DPYD: variants seen among roughly 807,000 people sequenced by gnomAD.
The protein encoded by DPYD is dihydropyrimidine dehydrogenase.
DPYD carries 109 observed loss-of-function variants against 116.2 expected under a neutral mutation model. That is an observed-to-expected ratio of 0.94 (90% CI 0.80 to 1.10). DPYD has a LOEUF of 1.10. Among genes scored for constraint, DPYD ranks in the 50% least tolerant of loss-of-function variants. The pLI is 0.00. For missense variants in DPYD, 1,302 were observed against 1,254.5 expected, an observed-to-expected ratio of 1.04 and a Z score of -0.57; for synonymous variants, 440 against 432.0, an observed-to-expected ratio of 1.02 and a Z score of -0.23.
chr1:97,426,893 T>A (rs1018374020), intron 14 of DPYD, among the ~76,000 whole-genome samples: 5 of 152,102 alleles, frequency 3.3e-5, no homozygotes, highest in African/African-American at 1.2e-4. Flanking sequence ...CCTTAAGCAA[T>A]GATGCATGAT....
At chr1:97,084,042 C>T (rs146278945) in intron 21 of DPYD, among the ~76,000 whole-genome samples, 2 of 152,008 alleles carry the variant, frequency 1.3e-5, no homozygotes, top group African/African-American at 2.4e-5. Context: ...TTCTTCCTTT[C>T]CCACTCTACC....
intron 3 of DPYD, among the ~76,000 whole-genome samples, chr1:97,799,894 T>C (rs1667765726): frequency 6.6e-6 from 1 of 151,926 alleles, no homozygotes; most frequent in African/African-American, 2.4e-5. Context: ...CTGAATTTTC[T>C]AATTCAATCA....
intron 4 of DPYD, among the ~76,000 whole-genome samples, chr1:97,728,845 C>A (rs1200101538): frequency 6.6e-6 from 1 of 152,014 alleles, no homozygotes; most frequent in African/African-American, 2.4e-5. Flanking sequence ...GTCACCATCC[C>A]TCAATGAACA....
chr1:97,592,961 C>T (rs1654622978), intron 10 of DPYD, among the ~76,000 whole-genome samples: 1 of 152,150 alleles, frequency 6.6e-6, no homozygotes, highest in South Asian at 2.1e-4. Flanking sequence ...ACATAGAATA[C>T]ATTTCAAGCA....
At chr1:97,398,244 G>T (rs923389983) in intron 14 of DPYD, among the ~76,000 whole-genome samples, 6 of 152,034 alleles carry the variant, frequency 3.9e-5, no homozygotes, top group Admixed American at 3.9e-4. Flanking sequence ...ATGGTTTCCA[G>T]CTTCATCCAT....
intron 3 of DPYD, among the ~76,000 whole-genome samples, chr1:97,790,330 A>G (rs1667252134): frequency 6.6e-6 from 1 of 152,200 alleles, no homozygotes; most frequent in African/African-American, 2.4e-5. Flanking sequence ...CTTGCATAAG[A>G]AAGAGAGGAA....
intron 8 of DPYD, among the ~76,000 whole-genome samples, chr1:97,604,304 C>T (rs1404971755): frequency 4.6e-5 from 7 of 151,940 alleles, no homozygotes; most frequent in African/African-American, 9.7e-5. Context: ...GCTACAAAAC[C>T]GCATCTCCTT....
chr1:97,325,662 C>G (rs1668672028), intron 16 of DPYD, among the ~76,000 whole-genome samples: 1 of 151,926 alleles, frequency 6.6e-6, no homozygotes, highest in South Asian at 2.1e-4. Flanking sequence ...TTTTTATTAA[C>G]TTCTAGAGTG....
intron 2 of DPYD, among the ~76,000 whole-genome samples, chr1:97,854,495 A>C (rs549740917): frequency 4.1e-4 from 62 of 152,330 alleles, no homozygotes; most frequent in African/African-American, 1.4e-3. Flanking sequence ...CCATGGGAGC[A>C]GAGAGAGTTC....
intron 18 of DPYD, among the ~76,000 whole-genome samples, chr1:97,264,100 ATTCTTTTGGTTAC>A (rs964178986): frequency 6.8e-6 from 1 of 146,320 alleles, no homozygotes; most frequent in African/African-American, 2.5e-5. Flanking sequence ...CATGATCTAG[ATTCTTTTGGTTAC>A]CTACAGATAG....
chr1:97,841,710 GA>G (rs202033971), intron 2 of DPYD, among the ~76,000 whole-genome samples: 18 of 147,906 alleles, frequency 1.2e-4, no homozygotes, highest in East Asian at 7.8e-4. Flanking sequence ...AGTAGCAGGG[GA>G]AAAAAAAAAT....
At chr1:97,529,940 ACTTTT>A (rs1050893605) in intron 12 of DPYD, among the ~76,000 whole-genome samples, 7 of 108,846 alleles carry the variant, frequency 6.4e-5, no homozygotes, top group African/African-American at 1.8e-4. Context: ...TTCCTTCTTT[ACTTTT>A]CTTTTCTTTC....
intron 12 of DPYD, among the ~76,000 whole-genome samples, chr1:97,527,536 T>G (rs1212864183): frequency 6.6e-6 from 1 of 152,038 alleles, no homozygotes; most frequent in African/African-American, 2.4e-5. Flanking sequence ...CATACCCTAT[T>G]CAAATATCAT....
chr1:97,151,752 A>T (rs1031687653), intron 20 of DPYD, among the ~76,000 whole-genome samples: 5 of 152,122 alleles, frequency 3.3e-5, no homozygotes, highest in Non-Finnish European at 7.4e-5. Flanking sequence ...ATCTGGTACT[A>T]TGCAATCAGC....
chr1:97,324,572 G>A (rs762408421), intron 16 of DPYD, among the ~76,000 whole-genome samples: 3 of 152,060 alleles, frequency 2.0e-5, no homozygotes, highest in Non-Finnish European at 2.9e-5. Flanking sequence ...GAAATTACAA[G>A]AGTAAGGCAT....
chr1:97,230,119 C>G (rs1467357046), intron 19 of DPYD, among the ~76,000 whole-genome samples: 1 of 152,146 alleles, frequency 6.6e-6, no homozygotes, highest in Admixed American at 6.5e-5. Flanking sequence ...CAGATTTCCT[C>G]TCTTAGCAGT....
chr1:97,109,099 G>A (rs1441303987), intron 20 of DPYD, among the ~76,000 whole-genome samples: 1 of 151,998 alleles, frequency 6.6e-6, no homozygotes, highest in Non-Finnish European at 1.5e-5. Flanking sequence ...TGATCACCTT[G>A]CCCATTTGTT....
At chr1:97,185,591 TA>T (rs1322573492) in intron 20 of DPYD, among the ~76,000 whole-genome samples, 1 of 152,032 alleles carries the variant, frequency 6.6e-6, no homozygotes, top group African/African-American at 2.4e-5. Flanking sequence ...CAACTTAGAG[TA>T]AATAAATTGT....
intron 2 of DPYD, among the ~76,000 whole-genome samples, chr1:97,876,429 G>GC (rs948636142): frequency 1.3e-4 from 20 of 151,932 alleles, no homozygotes; most frequent in Non-Finnish European, 2.5e-4. Flanking sequence ...TTAGGATCAC[G>GC]CAAGTAATGT....
Sources: allele counts gnomAD v4.1 joint callset (sites outside exome capture counted in the v4.1 genomes callset), GRCh38; gene constraint gnomAD v4.1.1; transcripts MANE v1.5; gene names NCBI Gene and HGNC (gene_info 2026-07-23, HGNC 2026-07-21).